TRPM3: variants seen among roughly 807,000 people sequenced by gnomAD.
The protein encoded by TRPM3 is transient receptor potential cation channel subfamily M member 3.
TRPM3 carries 77 observed loss-of-function variants against 181.2 expected under a neutral mutation model. That is an observed-to-expected ratio of 0.42 (90% confidence interval 0.35 to 0.51). The LOEUF (loss-of-function observed/expected upper bound fraction) is 0.51. Ranked by LOEUF, TRPM3 falls within the 20% of genes least tolerant of loss-of-function variation. TRPM3 has a pLI of 0.01. For synonymous variants in TRPM3, 745 were observed against 796.4 expected (o/e 0.94, Z 1.09); for missense variants, 1,759 against 2,196.7 (o/e 0.80, Z 3.98).
chr9:70,754,665 T>A (rs1405707115), intron 8 of TRPM3, among the ~76,000 whole-genome samples: 1 of 152,174 alleles, frequency 6.6e-6, no homozygotes, highest in Non-Finnish European at 1.5e-5. Context: ...ATGAGAAAGA[T>A]ATCACATCAA....
chr9:71,040,276 T>C (rs899451309), intron 1 of TRPM3, among the ~76,000 whole-genome samples: 1 of 152,198 alleles, frequency 6.6e-6, no homozygotes, highest in Non-Finnish European at 1.5e-5. Flanking sequence ...AAGCACATAC[T>C]ATTTCTCAAT....
At chr9:70,883,464 G>A (rs2096031136) in intron 1 of TRPM3, among the ~76,000 whole-genome samples, 1 of 152,172 alleles carries the variant, frequency 6.6e-6, no homozygotes, top group Non-Finnish European at 1.5e-5. Context: ...ACTCTATAGT[G>A]CTTGTGCAGT....
chr9:71,269,581 T>C (rs1204638360), intron 1 of TRPM3, among the ~76,000 whole-genome samples: 2 of 152,192 alleles, frequency 1.3e-5, no homozygotes, highest in Non-Finnish European at 2.9e-5. Context: ...GGCTCTTCTT[T>C]TATGTCTAAA....
intron 19 of TRPM3, among the ~76,000 whole-genome samples, chr9:70,606,653 A>G (rs62545503): frequency 0.04 from 2,919 of 72,458 alleles, 89 homozygotes; most frequent in African/African-American, 0.12. Context: ...GTGTGTGTGT[A>G]TATATATATA....
intron 1 of TRPM3, among the ~76,000 whole-genome samples, chr9:71,053,686 G>A (rs892550382): frequency 3.3e-5 from 5 of 152,226 alleles, no homozygotes; most frequent in Middle Eastern, 3.4e-3. Flanking sequence ...TGGTGACATG[G>A]ACTTGGCAGC....
At position 71,293,318 on chromosome 9, in the gene TRPM3, C is replaced by T. The variant is rs563119657; in HGVS notation, c.183+153335G>A. ...CAGTAAGTCTAGATAAAAGATAACA[C>T]ATAAATGGCTTGTAAATAAAGAAAT... On this transcript the variant is annotated intron_variant, in intron 1 of 24. Coordinates refer to the TRPM3 transcript ENST00000357533. Among the ~76,000 whole-genome samples the T allele has an allele frequency of 3.3e-5, 5 of 151,780 alleles. No individual in the cohort carries two copies. The East Asian group carries it at 7.7e-4, about 23-fold the overall frequency.
At chr9:70,806,214 C>A (rs1269722498) in intron 6 of TRPM3, among the ~76,000 whole-genome samples, 1 of 152,098 alleles carries the variant, frequency 6.6e-6, no homozygotes, top group Non-Finnish European at 1.5e-5. Context: ...TGAAACCTGG[C>A]CTCCAACACA....
At chr9:70,937,541 G>C (rs1370527163) in intron 1 of TRPM3, among the ~76,000 whole-genome samples, 1 of 152,094 alleles carries the variant, frequency 6.6e-6, no homozygotes, top group Non-Finnish European at 1.5e-5. Flanking sequence ...ATTTTATTAT[G>C]GGCAAAATTT....
chr9:71,294,068 G>C (rs571426919), intron 1 of TRPM3, among the ~76,000 whole-genome samples: 1 of 151,734 alleles, frequency 6.6e-6, no homozygotes, highest in Non-Finnish European at 1.5e-5. Flanking sequence ...GAAAATGTAG[G>C]CGATTATCTT....
At chr9:70,870,149 C>A (rs562871731) in intron 1 of TRPM3, among the ~76,000 whole-genome samples, 21 of 151,988 alleles carry the variant, frequency 1.4e-4, no homozygotes, top group Admixed American at 3.9e-4. Flanking sequence ...TCTGTTAATG[C>A]GCCTAGTACG....
intron 1 of TRPM3, among the ~76,000 whole-genome samples, chr9:71,241,635 T>A (rs1031205617): frequency 1.4e-3 from 213 of 152,176 alleles, no homozygotes; most frequent in African/African-American, 4.9e-3. Flanking sequence ...ACCCTAAAAC[T>A]TAAAGTATAA....
In TRPM3 at chr9:70,537,300, A is replaced by G; in HGVS notation, c.3813T>C (p.Leu1271=). The stretch of plus-strand genomic sequence containing the variant: ...CCAGGGCCGTGGCCATGCGCCCGAT[A>G]AGGTCTTCCAGCTGCGCCAGCCGGA... ...VDIRLAQLED[L]IGRMATALER... Residue 1271 remains leucine, a synonymous_variant, in exon 26 of 26, where the codon CTT becomes CTC. Transcript: ENST00000677713. The G allele has an allele frequency of 6.5e-7, 1 of 1,543,712 alleles. No homozygotes were observed. Among genetic ancestry groups the G allele is most frequent in the Non-Finnish European group, 8.8e-7 (1 of 1,142,750 alleles).
At chr9:70,632,907 A>G (rs1285702452) in intron 12 of TRPM3, among the ~76,000 whole-genome samples, 1 of 152,226 alleles carries the variant, frequency 6.6e-6, no homozygotes, top group Non-Finnish European at 1.5e-5. Context: ...AAGGCAGCTC[A>G]AGGGATTTCA....
intron 1 of TRPM3, among the ~76,000 whole-genome samples, chr9:71,187,745 C>T (rs1217955612): frequency 1.3e-5 from 2 of 151,830 alleles, no homozygotes; most frequent in Non-Finnish European, 2.9e-5. Flanking sequence ...GCTGGCCACT[C>T]CTAATTTTGT....
upstream of TRPM3, among the ~76,000 whole-genome samples, chr9:71,122,121 G>A (rs2073719089): frequency 6.6e-6 from 1 of 152,058 alleles, no homozygotes; most frequent in Non-Finnish European, 1.5e-5. Flanking sequence ...TTTTAAATGG[G>A]GGTTATCTCC....
At chr9:71,412,061 C>T (rs1283406372) in intron 1 of TRPM3, among the ~76,000 whole-genome samples, 2 of 152,194 alleles carry the variant, frequency 1.3e-5, no homozygotes, top group African/African-American at 4.8e-5. Flanking sequence ...AAAGCTGAAA[C>T]TGGATCCCTT....
At chr9:71,176,834 A>G (rs911715579) in intron 1 of TRPM3, among the ~76,000 whole-genome samples, 3 of 152,136 alleles carry the variant, frequency 2.0e-5, no homozygotes, top group African/African-American at 4.8e-5. Context: ...CCGTTGTGTT[A>G]CAGTTGCCTA....
chr9:71,135,119 A>G (rs916177339), intron 1 of TRPM3, among the ~76,000 whole-genome samples: 1 of 152,350 alleles, frequency 6.6e-6, no homozygotes, highest in Admixed American at 6.5e-5. Flanking sequence ...GCATTCACCT[A>G]GAGCCAAAAC....
intron 1 of TRPM3, among the ~76,000 whole-genome samples, chr9:71,410,297 T>TAA (rs59704208): frequency 6.6e-6 from 1 of 151,634 alleles, no homozygotes; most frequent in African/African-American, 2.4e-5. Context: ...AAAAAACACT[T>TAA]AAAAAAAAAA....
Sources: allele counts gnomAD v4.1 joint callset (sites outside exome capture counted in the v4.1 genomes callset), GRCh38; gene constraint gnomAD v4.1.1; transcripts MANE v1.5; gene names NCBI Gene and HGNC (gene_info 2026-07-23, HGNC 2026-07-21).